Variants in ART1 observed in about 807,000 individuals in gnomAD.
ART1 encodes ADP-ribosyltransferase 1, also known as GPI-linked NAD(P)(+)--arginine ADP-ribosyltransferase 1.
A neutral mutation model predicts 27.0 loss-of-function variants in ART1; 29 were observed. The ratio of observed to expected loss-of-function variants is 1.08; its 90% CI spans 0.80 to 1.47. The LOEUF (loss-of-function observed/expected upper bound fraction) is 1.47, where lower values mean the gene tolerates loss of function less well. Ranked by LOEUF, ART1 falls within the 40% of genes most tolerant of loss-of-function variation. ART1 has a pLI of 0.00. For missense variants in ART1, 480 were observed against 423.0 expected, an observed-to-expected ratio of 1.13 and a Z score of -1.18; for synonymous variants, 201 against 172.2, an observed-to-expected ratio of 1.17 and a Z score of -1.31.
At chr11:3,657,157 C>T (rs1242199306) in intron 1 of ART1, among the ~76,000 whole-genome samples, 2 of 152,162 alleles carry the variant, frequency 1.3e-5, no homozygotes, top group Admixed American at 6.5e-5. Context: ...AGAGGCATAA[C>T]CACCTTGATA....
intron 1 of ART1, among the ~76,000 whole-genome samples, chr11:3,655,112 C>G (rs1000141938): frequency 8.5e-5 from 13 of 152,214 alleles, no homozygotes; most frequent in Non-Finnish European, 1.8e-4. Flanking sequence ...GCTCAGGCCG[C>G]CGGTCTGGCT....
At chr11:3,663,201 G>A (rs993908431) in intron 4 of ART1, among the ~76,000 whole-genome samples, 3 of 151,788 alleles carry the variant, frequency 2.0e-5, no homozygotes, top group African/African-American at 4.8e-5. Context: ...CAGAACAGGA[G>A]GCATTACCCC....
chr11:3,659,399 C>A, intron 2 of ART1, 123 bp downstream of exon 2: 1 of 1,443,204 alleles, frequency 6.9e-7, no homozygotes, highest in Non-Finnish European at 9.6e-7. Context: ...GATCACTCAG[C>A]CCAAGGGGAC....
At chr11:3,663,073 C>CA (rs1564786988) in intron 4 of ART1, among the ~76,000 whole-genome samples, 370 of 99,798 alleles carry the variant, frequency 3.7e-3, no homozygotes, top group East Asian at 7.9e-3. Context: ...CTCATCTCAT[C>CA]TCATCATCTC....
intron 1 of ART1, among the ~76,000 whole-genome samples, chr11:3,650,812 A>C: frequency 7.0e-6 from 1 of 143,286 alleles, no homozygotes; most frequent in Non-Finnish European, 1.5e-5. Context: ...CTCCCCTTGT[A>C]TCTCCCCACC....
intron 1 of ART1, among the ~76,000 whole-genome samples, chr11:3,656,453 G>T (rs1246091814): frequency 6.6e-6 from 1 of 151,982 alleles, no homozygotes; most frequent in African/African-American, 2.4e-5. Context: ...CGCAATCTTG[G>T]CTCACTGCAA....
chr11:3,652,536 G>A (rs1308140433), intron 1 of ART1, among the ~76,000 whole-genome samples: 14 of 152,136 alleles, frequency 9.2e-5, no homozygotes, highest in Admixed American at 9.2e-4. Context: ...TCCCTTCTCA[G>A]AAGTCAGACG....
At chr11:3,655,305 C>G (rs1397325435) in intron 1 of ART1, among the ~76,000 whole-genome samples, 5 of 143,872 alleles carry the variant, frequency 3.5e-5, no homozygotes, top group Non-Finnish European at 7.7e-5. Context: ...CCAAGAAATA[C>G]AAGTCAGGGA....
intron 4 of ART1, among the ~76,000 whole-genome samples, chr11:3,663,153 A>G (rs557830238): frequency 1.3e-5 from 2 of 148,664 alleles, no homozygotes; most frequent in African/African-American, 5.0e-5. Flanking sequence ...TCATCATCTC[A>G]TCTCATCTTT....
In ART1 at chr11:3,659,597, C is replaced by T; in HGVS notation, c.78C>T (p.Pro26=). The T allele has an allele frequency of 2.5e-6, 4 of 1,603,464 alleles. No individual in the cohort carries two copies. Among genetic ancestry groups the T allele is most frequent in the Non-Finnish European group, 2.6e-6 (3 of 1,176,058 alleles). Residue 26 remains proline (P), a synonymous_variant, in exon 3 of 5, where the codon CCC becomes CCT. Transcript: ENST00000250693. Reference sequence around the variant, plus strand: ...TGTCCCCTCAGGCCCAGAGCCACCCCATCACACGACGAGACCTCTTCTCTC... The same window carrying T: ...TGTCCCCTCAGGCCCAGAGCCACCCTATCACACGACGAGACCTCTTCTCTC... The part of the protein sequence containing the change: ...LMEALQAQSH[P]ITRRDLFSQE...
At chr11:3,647,751 T>G (rs1441062596) in intron 1 of ART1, among the ~76,000 whole-genome samples, 1 of 152,048 alleles carries the variant, frequency 6.6e-6, no homozygotes, top group Non-Finnish European at 1.5e-5. Context: ...GTAACATGAG[T>G]GTATACTTAT....
Position 3,660,047 on chromosome 11 carries a change from G to T in ART1, c.528G>T (p.Gln176His). 1.2e-6 allele frequency: 2 copies of T among 1,613,680 alleles called. 1 individual carries two copies. The highest frequency in any genetic ancestry group is 2.2e-5 in the South Asian group (2 of 91,074). ...GCCAGCGTCCACCCCGGTGCCACCA[G>T]GTGTTCCGAGGTGTGCACGGCCTGC... Reference protein sequence around the residue: ...GSGQRPPRCHQVFRGVHGLRF... With the variant: ...GSGQRPPRCHHVFRGVHGLRF... The change falls in exon 3 of 5, where the codon CAG (glutamine) becomes CAT (histidine). Residue 176 changes from glutamine to histidine, a missense_variant. By Grantham distance (24) the Gln-to-His change is conservative. Transcript: ENST00000250693.
rs949422388 is a variant in ART1 at position 3,664,381 on chromosome 11, G to A, written c.*192G>A. On this transcript the variant is annotated 3_prime_UTR_variant, in exon 5 of 5. Coordinates refer to ENST00000250693, the MANE Select transcript of ART1 (RefSeq NM_004314.3). ...TGGGGACTGAACCTTACCCAGGGCT[G>A]TAGGAGTGAGACTCTGAATAAAGGG... 6.9e-6 allele frequency: 4 copies of A among 576,574 alleles called. No individual in the cohort carries two copies. The highest frequency in any genetic ancestry group is 1.2e-5 in the Non-Finnish European group (4 of 324,764). The allele number at this position is 576,574 out of a possible 1,614,324, so 35.7% of individuals were successfully genotyped here. A position where few individuals can be genotyped will look rare whatever the true frequency, so the allele number is the denominator to read the frequency against.
intron 1 of ART1, among the ~76,000 whole-genome samples, chr11:3,649,637 C>G (rs1032304759): frequency 1.3e-5 from 2 of 152,218 alleles, no homozygotes; most frequent in African/African-American, 4.8e-5. Context: ...GCTCCTCCAC[C>G]CTGTAATCTT....
chr11:3,653,541 C>T (rs1302665983), intron 1 of ART1, among the ~76,000 whole-genome samples: 2 of 151,998 alleles, frequency 1.3e-5, no homozygotes, highest in African/African-American at 4.8e-5. Context: ...TTCGCTGACT[C>T]TCTTTTCGGA....
At chr11:3,647,665 A>C (rs2077480275) in intron 1 of ART1, among the ~76,000 whole-genome samples, 1 of 152,006 alleles carries the variant, frequency 6.6e-6, no homozygotes, top group South Asian at 2.1e-4. Flanking sequence ...AATAAAAATA[A>C]AAATAAAATG....
chr11:3,653,306 C>A (rs1469006690), intron 1 of ART1, among the ~76,000 whole-genome samples: 2 of 148,710 alleles, frequency 1.3e-5, no homozygotes, highest in Non-Finnish European at 2.9e-5. Flanking sequence ...CGGTTCCTGC[C>A]TTAACTGATG....
At position 3,659,252 on chromosome 11, in the gene ART1, T is replaced by C. The variant is rs781211515; in HGVS notation, c.39T>C (p.Ser13=). 7.4e-6 allele frequency: 12 copies of C among 1,614,108 alleles called. No individual in the cohort carries two copies. In the Admixed American group the frequency reaches 1.3e-4, roughly 18 times the overall value. Residue 13 remains serine, a synonymous_variant, in exon 2 of 5, where the codon TCT becomes TCC. Coordinates refer to ENST00000250693, the MANE Select transcript of ART1 (RefSeq NM_004314.3). ...CTATGATGTCTCTGCTTCTTGTGTC[T>C]GTGGGCCTCATGGAAGCACTTCAGG... is the stretch of plus-strand genomic sequence containing the variant. ...MPAMMSLLLV[S]VGLMEALQAQ...
rs2077600449 is a variant in ART1, at chr11:3,659,567, A to G, written c.64-16A>G. The G allele has an allele frequency of 6.3e-7, 1 of 1,577,768 alleles. No individual in the cohort carries two copies. Reference sequence around the variant, plus strand: ...GGGGCCTATCCTCTCAGTCCCTGCTACTCCTGTCCCCTCAGGCCCAGAGCC... The same window carrying G: ...GGGGCCTATCCTCTCAGTCCCTGCTGCTCCTGTCCCCTCAGGCCCAGAGCC... On this transcript the variant is annotated splice_polypyrimidine_tract_variant and intron_variant, in intron 2 of 4. Coordinates refer to ENST00000250693, the MANE Select transcript of ART1 (RefSeq NM_004314.3).
Sources: allele counts gnomAD v4.1 joint callset (sites outside exome capture counted in the v4.1 genomes callset), GRCh38; gene constraint gnomAD v4.1.1; transcripts MANE v1.5; gene names NCBI Gene and HGNC (gene_info 2026-07-23, HGNC 2026-07-21).